Variants in ATF7IP observed in about 807,000 individuals in gnomAD.
The protein encoded by ATF7IP is activating transcription factor 7 interacting protein, also known as activating transcription factor 7-interacting protein 1.
In ATF7IP, 23 loss-of-function variants were observed where a neutral mutation model predicts 106.4. The ratio of observed to expected loss-of-function variants is 0.22; its 90% CI spans 0.16 to 0.31. The LOEUF is 0.31. ATF7IP is among the 10% of genes least tolerant of loss of function. The pLI is 1.00. For missense variants in ATF7IP, 1,334 were observed against 1,524.3 expected (o/e 0.88, Z 2.08); for synonymous variants, 542 against 539.0 (o/e 1.01, Z -0.08).
intron 1 of ATF7IP, among the ~76,000 whole-genome samples, chr12:14,401,991 C>A (rs952086572): frequency 1.3e-5 from 2 of 151,654 alleles, no homozygotes; most frequent in African/African-American, 4.8e-5. Context: ...GGATTACAGG[C>A]GTGAGCCACC....
At chr12:14,402,759 G>A (rs1167684536) in intron 1 of ATF7IP, among the ~76,000 whole-genome samples, 1 of 151,698 alleles carries the variant, frequency 6.6e-6, no homozygotes, top group Non-Finnish European at 1.5e-5. Flanking sequence ...ATCATGCCTG[G>A]CTAATGTTTT....
intron 1 of ATF7IP, among the ~76,000 whole-genome samples, chr12:14,381,355 C>T (rs1021195377): frequency 2.6e-5 from 4 of 152,110 alleles, no homozygotes; most frequent in African/African-American, 9.7e-5. Context: ...CCTGAGCCTC[C>T]CTGAGTAGCT....
chr12:14,382,181 T>A (rs1309392872), intron 1 of ATF7IP, among the ~76,000 whole-genome samples: 1 of 152,180 alleles, frequency 6.6e-6, no homozygotes, highest in Non-Finnish European at 1.5e-5. Context: ...CTGTAGCCTG[T>A]CTACAAACAA....
In ATF7IP at chr12:14,436,086, A is replaced by G; in HGVS notation, c.1646-20A>G. 2 of 1,610,304 alleles carry G rather than the reference A, an allele frequency of 1.2e-6. No homozygotes were observed. Among genetic ancestry groups the G allele is most frequent in the Non-Finnish European group, 1.7e-6 (2 of 1,178,058 alleles). On this transcript the variant is annotated intron_variant, in intron 3 of 14. Coordinates refer to ENST00000261168, the MANE Select transcript of ATF7IP (RefSeq NM_018179.5). Reference sequence around the variant, plus strand: ...ATAAGAAAAACACCTGAGTGTGATCATTGTGGTTTTCCTTCTCAGATGAAT... The same window carrying G: ...ATAAGAAAAACACCTGAGTGTGATCGTTGTGGTTTTCCTTCTCAGATGAAT...
chr12:14,444,901 T>C (rs571827012), intron 5 of ATF7IP, among the ~76,000 whole-genome samples: 83 of 152,146 alleles, frequency 5.5e-4, no homozygotes, highest in Admixed American at 1.2e-3. Flanking sequence ...TCTATACATG[T>C]GACATATACA....
At chr12:14,442,169 A>G (rs908436134) in intron 5 of ATF7IP, among the ~76,000 whole-genome samples, 2 of 151,276 alleles carry the variant, frequency 1.3e-5, no homozygotes, top group African/African-American at 4.9e-5. Context: ...TTCTCTTCCT[A>G]TATATATTTT....
At chr12:14,410,654 A>G (rs1940862254) in intron 1 of ATF7IP, among the ~76,000 whole-genome samples, 1 of 152,152 alleles carries the variant, frequency 6.6e-6, no homozygotes, top group Non-Finnish European at 1.5e-5. Context: ...ACTATCTTAT[A>G]CTTCTGTGAA....
chr12:14,435,641 T>A (rs956744218), intron 3 of ATF7IP, among the ~76,000 whole-genome samples: 5 of 152,220 alleles, frequency 3.3e-5, no homozygotes, highest in Non-Finnish European at 5.9e-5. Flanking sequence ...GTGCTAGTTT[T>A]GTAAGGCTGA....
At chr12:14,373,616 T>A (rs1335313178) in intron 1 of ATF7IP, among the ~76,000 whole-genome samples, 1 of 152,272 alleles carries the variant, frequency 6.6e-6, no homozygotes, top group East Asian at 1.9e-4. Context: ...ACTAGAGAAT[T>A]TTATAAAAGA....
chr12:14,404,887 G>A (rs1354619897), intron 1 of ATF7IP, among the ~76,000 whole-genome samples: 1 of 152,068 alleles, frequency 6.6e-6, no homozygotes, highest in Non-Finnish European at 1.5e-5. Context: ...AGAATTTTTG[G>A]TCAGAACTCT....
At chr12:14,400,593 T>A (rs1940138830) in intron 1 of ATF7IP, among the ~76,000 whole-genome samples, 1 of 152,160 alleles carries the variant, frequency 6.6e-6, no homozygotes, top group African/African-American at 2.4e-5. Context: ...TCCTGGGATA[T>A]TAAGGGCTTT....
chr12:14,484,767 A>C (rs913953307), intron 13 of ATF7IP, among the ~76,000 whole-genome samples: 3 of 152,146 alleles, frequency 2.0e-5, no homozygotes, highest in African/African-American at 7.2e-5. Context: ...CCTCATGTAA[A>C]TTACTTGTGC....
At chr12:14,418,497 C>T (rs7968235) in intron 1 of ATF7IP, among the ~76,000 whole-genome samples, 2 of 151,954 alleles carry the variant, frequency 1.3e-5, no homozygotes, top group East Asian at 3.9e-4. Context: ...TGAATGGCAT[C>T]TTAGTTCTAG....
chr12:14,388,051 T>C lies in ATF7IP; in HGVS notation c.-8+22224T>C, dbSNP rs1374260215. 2.7e-5 allele frequency among the ~76,000 whole-genome samples: 4 copies of C among 149,488 alleles called. No homozygotes were observed. In the East Asian group the frequency reaches 7.8e-4, roughly 29 times the overall value. Reference sequence around the variant, plus strand: ...TTTTTGAGACGGAGTTTCACTCTTATGGCACAGGCTGGAGTGCGATGATGC... The same window carrying C: ...TTTTTGAGACGGAGTTTCACTCTTACGGCACAGGCTGGAGTGCGATGATGC... On this transcript the variant is annotated intron_variant, in intron 1 of 14. Coordinates refer to ENST00000261168, the MANE Select transcript of ATF7IP (RefSeq NM_018179.5).
At chr12:14,481,659 A>G (rs951723957) in intron 13 of ATF7IP, 9 of 434,914 alleles carry the variant, frequency 2.1e-5, no homozygotes, top group African/African-American at 1.4e-4. Flanking sequence ...TTGTGCTCTG[A>G]GTGTTGTCTT....
At chr12:14,459,399 G>GT (rs1269396063) in intron 8 of ATF7IP, among the ~76,000 whole-genome samples, 3 of 152,158 alleles carry the variant, frequency 2.0e-5, no homozygotes, top group Non-Finnish European at 4.4e-5. Context: ...ATATAATAAA[G>GT]TTAATAGTTT....
At chr12:14,419,216 T>A (rs1941362869) in intron 1 of ATF7IP, 1 of 152,100 alleles carries the variant, frequency 6.6e-6, no homozygotes, top group African/African-American at 2.4e-5. Flanking sequence ...AAATTGATGT[T>A]AGGTAATTTG....
intron 1 of ATF7IP, among the ~76,000 whole-genome samples, chr12:14,417,402 A>G (rs1168815775): frequency 1.3e-5 from 2 of 152,156 alleles, no homozygotes; most frequent in Non-Finnish European, 2.9e-5. Flanking sequence ...CTTTGGGTCC[A>G]GAATACTATT....
At chr12:14,461,742 A>G (rs997223101) in intron 9 of ATF7IP, among the ~76,000 whole-genome samples, 9 of 152,298 alleles carry the variant, frequency 5.9e-5, no homozygotes, top group Admixed American at 4.6e-4. Context: ...AAATCTGCCA[A>G]ACTCTGTGTC....
Sources: allele counts gnomAD v4.1 joint callset (sites outside exome capture counted in the v4.1 genomes callset), GRCh38; gene constraint gnomAD v4.1.1; transcripts MANE v1.5; gene names NCBI Gene and HGNC (gene_info 2026-07-23, HGNC 2026-07-21).